ANO4: variants seen among roughly 807,000 people sequenced by gnomAD.
ANO4 encodes anoctamin 4.
Under a neutral mutation model 141.9 loss-of-function variants are expected in ANO4, and 69 were observed. The ratio of observed to expected loss-of-function variants is 0.49; its 90% CI spans 0.40 to 0.59. The LOEUF (loss-of-function observed/expected upper bound fraction) is 0.59. Among genes scored for constraint, ANO4 ranks in the 20% least tolerant of loss-of-function variants. ANO4 has a pLI of 0.00. For missense variants in ANO4, 894 were observed against 1,162.2 expected (o/e 0.77, Z 3.36); for synonymous variants, 350 against 394.3 (o/e 0.89, Z 1.33).
At chr12:101,093,645 ACATACACACATG>A (rs2049865536) in intron 17 of ANO4, among the ~76,000 whole-genome samples, 1 of 152,068 alleles carries the variant, frequency 6.6e-6, no homozygotes, top group Non-Finnish European at 1.5e-5. Context: ...ACACAAACAC[ACATACACACATG>A]CATACATGTA....
At chr12:100,849,444 C>A (rs978427378) in intron 1 of ANO4, among the ~76,000 whole-genome samples, 3 of 152,162 alleles carry the variant, frequency 2.0e-5, no homozygotes, top group Non-Finnish European at 4.4e-5. Flanking sequence ...CAGAGGCAGT[C>A]AACGTTTTAG....
chr12:100,883,258 G>A (rs2039659683), intron 1 of ANO4, among the ~76,000 whole-genome samples: 1 of 152,144 alleles, frequency 6.6e-6, no homozygotes, highest in Non-Finnish European at 1.5e-5. Context: ...AAATACCTTA[G>A]CACCTATTGA....
intron 22 of ANO4, among the ~76,000 whole-genome samples, chr12:101,106,012 C>G (rs1164318795): frequency 6.6e-6 from 1 of 152,066 alleles, no homozygotes; most frequent in East Asian, 1.9e-4. Context: ...GAGGCTGATG[C>G]AGAGAATCAG....
chr12:101,042,617 T>C (rs2047452966), intron 12 of ANO4, 149 bp downstream of exon 12: 5 of 1,088,552 alleles, frequency 4.6e-6, no homozygotes, highest in Middle Eastern at 6.2e-4. Flanking sequence ...TTCAGTTCAC[T>C]AGGACCTCTC....
At chr12:100,854,495 C>A (rs1400269623) in intron 1 of ANO4, among the ~76,000 whole-genome samples, 3 of 152,092 alleles carry the variant, frequency 2.0e-5, no homozygotes, top group Non-Finnish European at 4.4e-5. Context: ...GTATACACAG[C>A]ATTGAGTATT....
chr12:101,089,090 G>T (rs1485657637), intron 17 of ANO4, among the ~76,000 whole-genome samples: 1 of 151,934 alleles, frequency 6.6e-6, no homozygotes, highest in Non-Finnish European at 1.5e-5. Flanking sequence ...TTTTCCAAAG[G>T]CCAACTAATT....
Position 100,912,357 on chromosome 12 carries a change from T to G in ANO4, c.56-9869T>G, listed in dbSNP as rs568825944. ...TTGCAGTGAGCCAAGATCATGCCAC[T>G]GCACTCCAGCCCAGGTAACAGAGCA... On this transcript the variant is annotated intron_variant, in intron 2 of 27. Transcript: ENST00000392977. Among the ~76,000 whole-genome samples the G allele has an allele frequency of 1.1e-4, 15 of 134,162 alleles. 1 individual carries two copies. Among genetic ancestry groups the G allele is most frequent in the Admixed American group, 8.8e-4 (10 of 11,392 alleles). The allele number at this position is 134,162 out of a possible 152,430, so 88.0% of individuals were successfully genotyped here.
intron 26 of ANO4, among the ~76,000 whole-genome samples, chr12:101,122,783 T>C (rs1253752050): frequency 1.3e-5 from 2 of 152,216 alleles, no homozygotes; most frequent in Admixed American, 6.5e-5. Context: ...GTTATCAGGA[T>C]TTCCCAACAT....
chr12:100,944,549 T>G (rs2042644020), intron 5 of ANO4, among the ~76,000 whole-genome samples: 1 of 151,990 alleles, frequency 6.6e-6, no homozygotes, highest in African/African-American at 2.4e-5. Flanking sequence ...ATTTCTCCTT[T>G]CCTCCACAAT....
At chr12:100,994,933 C>T (rs1367635909) in intron 8 of ANO4, among the ~76,000 whole-genome samples, 5 of 152,208 alleles carry the variant, frequency 3.3e-5, no homozygotes, top group South Asian at 4.1e-4. Flanking sequence ...GTGGAGATTG[C>T]GACTAGTGTC....
At chr12:101,092,526 C>T (rs2136930643) in intron 17 of ANO4, among the ~76,000 whole-genome samples, 1 of 149,240 alleles carries the variant, frequency 6.7e-6, no homozygotes, top group East Asian at 2.0e-4. Context: ...CTCTGAGCGG[C>T]TGTGAGTCCC....
chr12:101,063,745 C>CTTTTTTTTTTTTTTTTTTTTTTT lies in ANO4; in HGVS notation c.1312+15355_1312+15377dup. On this transcript the variant is annotated intron_variant, in intron 14 of 27. Coordinates refer to ENST00000392977, the MANE Select transcript of ANO4 (RefSeq NM_001286615.2). ...ATGGATGGAAGGTTGTCCAGGTTAT[C>CTTTTTTTTTTTTTTTTTTTTTTT]TTTTTTTTTTTTTTTTTTTTTTTTT... Among the ~76,000 whole-genome samples, 6 of 24,798 alleles carry CTTTTTTTTTTTTTTTTTTTTTTT rather than the reference C, an allele frequency of 2.4e-4. 1 individual carries two copies. Among genetic ancestry groups the CTTTTTTTTTTTTTTTTTTTTTTT allele is most frequent in the African/African-American group, 3.5e-4 (2 of 5,636 alleles). 16.3% of individuals were successfully genotyped at this position (24,798 alleles called of 152,430 possible).
chr12:100,861,260 A>G (rs2038459194), intron 1 of ANO4, among the ~76,000 whole-genome samples: 1 of 152,186 alleles, frequency 6.6e-6, no homozygotes. Context: ...CCATTCGACC[A>G]GGATGTCCAG....
intron 1 of ANO4, among the ~76,000 whole-genome samples, chr12:100,728,945 C>T (rs1398054251): frequency 1.3e-5 from 2 of 151,876 alleles, no homozygotes; most frequent in African/African-American, 4.9e-5. Context: ...CCAGCATCCC[C>T]GAACCCACCC....
chr12:101,046,024 C>T (rs568627979), intron 13 of ANO4, among the ~76,000 whole-genome samples: 140 of 152,330 alleles, frequency 9.2e-4, no homozygotes, highest in African/African-American at 2.9e-3. Flanking sequence ...AGGCGTCAGC[C>T]ACTTTGAGTA....
intron 2 of ANO4, among the ~76,000 whole-genome samples, chr12:100,739,065 A>C (rs1461483751): frequency 6.8e-6 from 1 of 146,422 alleles, no homozygotes; most frequent in African/African-American, 2.5e-5. Context: ...CTAAATCTTT[A>C]TATATATCTA....
intron 9 of ANO4, among the ~76,000 whole-genome samples, chr12:101,029,207 G>T (rs1294623044): frequency 1.3e-5 from 2 of 152,110 alleles, no homozygotes; most frequent in African/African-American, 4.8e-5. Context: ...GGAAAAACTG[G>T]TACTAGCCAC....
chr12:101,111,794 G>A (rs1279201718), intron 24 of ANO4, 84 bp downstream of exon 24: 3 of 1,283,176 alleles, frequency 2.3e-6, no homozygotes, highest in Non-Finnish European at 3.1e-6. Flanking sequence ...GACTGCACTG[G>A]AGAATATGGA....
At chr12:101,074,374 G>A (rs1048248177) in intron 14 of ANO4, among the ~76,000 whole-genome samples, 31 of 152,288 alleles carry the variant, frequency 2.0e-4, no homozygotes, top group African/African-American at 7.5e-4. Flanking sequence ...TACCCGTCCA[G>A]AAGGGGAAAG....
Sources: gnomAD v4.1 joint callset for allele counts (sites outside exome capture counted in the v4.1 genomes callset) on GRCh38, gnomAD v4.1.1 for gene constraint, MANE v1.5 for transcripts, NCBI Gene and HGNC (gene_info 2026-07-23, HGNC 2026-07-21) for gene names.